The following IL1RAPL1 variants were observed in gnomAD, a reference collection of about 807,000 sequenced individuals.
IL1RAPL1 encodes interleukin-1 receptor accessory protein-like 1.
IL1RAPL1 carries 3 observed loss-of-function variants against 48.4 expected under a neutral mutation model. The ratio of observed to expected loss-of-function variants is 0.06; its 90% CI spans 0.03 to 0.16. The LOEUF (loss-of-function observed/expected upper bound fraction) is 0.16. IL1RAPL1 is among the 10% of genes least tolerant of loss of function. IL1RAPL1 has a pLI of 1.00. For synonymous variants in IL1RAPL1, 185 were observed against 187.7 expected, an observed-to-expected ratio of 0.99 and a Z score of 0.12; for missense variants, 349 against 530.6, an observed-to-expected ratio of 0.66 and a Z score of 3.36.
intron 6 of IL1RAPL1, among the ~76,000 whole-genome samples, chrX:29,738,450 C>CTTTTTTTTTTTTTTTTTTTT (rs59952038): frequency 2.3e-5 from 2 of 86,161 alleles, no homozygotes; most frequent in African/African-American, 4.7e-5. Context: ...CTTTTCTTTT[C>CTTTTTTTTTTTTTTTTTTTT]TTTTTTTTTT....
chrX:28,889,922 A>G (rs751230970), intron 2 of IL1RAPL1, among the ~76,000 whole-genome samples: 3 of 111,531 alleles, frequency 2.7e-5, no homozygotes, highest in Non-Finnish European at 5.7e-5. Context: ...TAAATAGGAC[A>G]GATGATATTA....
chrX:28,858,216 A>G (rs1028677744), intron 2 of IL1RAPL1, among the ~76,000 whole-genome samples: 6 of 112,401 alleles, frequency 5.3e-5, no homozygotes, highest in Non-Finnish European at 1.1e-4. Flanking sequence ...GTTTCTTAAG[A>G]TGAAATCTAC....
At chrX:29,211,754 C>G (rs1483048136) in intron 2 of IL1RAPL1, among the ~76,000 whole-genome samples, 1 of 111,464 alleles carries the variant, frequency 9.0e-6, no homozygotes, top group Admixed American at 9.6e-5. Flanking sequence ...TGTACCTCGT[C>G]AAGCAAAACT....
intron 1 of IL1RAPL1, among the ~76,000 whole-genome samples, chrX:28,772,488 G>A (rs182467540): frequency 8.5e-4 from 95 of 111,574 alleles, no homozygotes; most frequent in Non-Finnish European, 1.6e-3. Flanking sequence ...TTAACATGGA[G>A]GGAGTGGCAG....
intron 2 of IL1RAPL1, among the ~76,000 whole-genome samples, chrX:29,046,383 T>C (rs1926972058): frequency 9.0e-6 from 1 of 111,275 alleles, no homozygotes; most frequent in Admixed American, 9.6e-5. Context: ...AGTGATGTAC[T>C]TGTGAAACAT....
chrX:29,353,911 G>C (rs1464796490), intron 3 of IL1RAPL1, among the ~76,000 whole-genome samples: 1 of 106,975 alleles, frequency 9.3e-6, no homozygotes, highest in African/African-American at 3.4e-5. Flanking sequence ...ACTATGGTAA[G>C]TGTTTTGTGT....
At chrX:29,797,734 G>A (rs779841901) in intron 6 of IL1RAPL1, among the ~76,000 whole-genome samples, 1 of 111,059 alleles carries the variant, frequency 9.0e-6, no homozygotes, top group Non-Finnish European at 1.9e-5. Flanking sequence ...TTAGCCAGTC[G>A]CGGTGGCACA....
intron 1 of IL1RAPL1, among the ~76,000 whole-genome samples, chrX:28,602,293 T>C (rs1367555597): frequency 2.7e-5 from 3 of 111,726 alleles, no homozygotes; most frequent in Admixed American, 9.6e-5. Context: ...TAGCTGTTTT[T>C]TCATTAAATA....
intron 1 of IL1RAPL1, among the ~76,000 whole-genome samples, chrX:28,617,013 C>T (rs1161325657): frequency 8.9e-6 from 1 of 112,312 alleles, no homozygotes; most frequent in Non-Finnish European, 1.9e-5. Flanking sequence ...ATTTGTGTTG[C>T]TTTCCTCCAC....
At chrX:29,675,312 G>T (rs896023984) in intron 6 of IL1RAPL1, among the ~76,000 whole-genome samples, 7 of 111,983 alleles carry the variant, frequency 6.3e-5, no homozygotes, top group African/African-American at 2.3e-4. Context: ...TTCCAAAAGG[G>T]CCAGAAGGGA....
intron 6 of IL1RAPL1, among the ~76,000 whole-genome samples, chrX:29,772,100 G>T (rs1601816680): frequency 9.1e-6 from 1 of 109,587 alleles, no homozygotes; most frequent in South Asian, 4.1e-4. Context: ...CGAGATTTGG[G>T]TGGAGACACA....
chrX:29,601,857 G>T (rs1923729983), intron 5 of IL1RAPL1, among the ~76,000 whole-genome samples: 1 of 112,454 alleles, frequency 8.9e-6, no homozygotes, highest in Non-Finnish European at 1.9e-5. Flanking sequence ...TTAAAATTTT[G>T]CAAAACCTGG....
intron 2 of IL1RAPL1, among the ~76,000 whole-genome samples, chrX:28,984,725 C>T (rs1378411605): frequency 9.0e-6 from 1 of 111,601 alleles, no homozygotes; most frequent in African/African-American, 3.3e-5. Flanking sequence ...ACCATGCACA[C>T]TAAACACAAA....
At chrX:29,419,244 A>G (rs1934260737) in intron 5 of IL1RAPL1, among the ~76,000 whole-genome samples, 1 of 112,082 alleles carries the variant, frequency 8.9e-6, no homozygotes, top group Admixed American at 9.5e-5. Context: ...CAAAATAATT[A>G]ATTACATATA....
At chrX:29,596,628 T>C (rs888818208) in intron 5 of IL1RAPL1, among the ~76,000 whole-genome samples, 3 of 111,974 alleles carry the variant, frequency 2.7e-5, no homozygotes, top group Non-Finnish European at 5.6e-5. Flanking sequence ...TAGGAGCTTT[T>C]TGGATGAGTC....
At chrX:28,689,986 A>G (rs1276988293) in intron 1 of IL1RAPL1, among the ~76,000 whole-genome samples, 2 of 111,938 alleles carry the variant, frequency 1.8e-5, no homozygotes, top group African/African-American at 6.5e-5. Flanking sequence ...GTTTACTCTG[A>G]GGTCCTTTCC....
chrX:28,677,872 G>A (rs1935016205), intron 1 of IL1RAPL1, among the ~76,000 whole-genome samples: 2 of 111,454 alleles, frequency 1.8e-5, no homozygotes, highest in South Asian at 7.6e-4. Flanking sequence ...ATAGATGTAA[G>A]CCACCACACC....
chrX:29,561,234 C>A (rs1922185708), intron 5 of IL1RAPL1, among the ~76,000 whole-genome samples: 3 of 112,127 alleles, frequency 2.7e-5, no homozygotes. Flanking sequence ...TCTCCCAGTC[C>A]CAGAGAGTTA....
intron 5 of IL1RAPL1, among the ~76,000 whole-genome samples, chrX:29,612,413 TA>T (rs371051149): frequency 0.011 from 1,082 of 101,035 alleles, 12 homozygotes; most frequent in African/African-American, 0.025. Flanking sequence ...CTCATTTTAT[TA>T]AAAAAAAAAA....
Sources: gnomAD v4.1 joint callset for allele counts (sites outside exome capture counted in the v4.1 genomes callset) on GRCh38, gnomAD v4.1.1 for gene constraint, MANE v1.5 for transcripts, NCBI Gene and HGNC (gene_info 2026-07-23, HGNC 2026-07-21) for gene names.